GRID2: variants seen among roughly 807,000 people sequenced by gnomAD.
GRID2 encodes the protein glutamate receptor ionotropic, delta-2.
Under a neutral mutation model 114.8 loss-of-function variants are expected in GRID2, and 33 were observed. The observed-to-expected ratio is 0.29, with a 90% CI of 0.22 to 0.38. The LOEUF is 0.38. GRID2 is among the 10% of genes least tolerant of loss of function. The pLI, the probability that GRID2 is intolerant of heterozygous loss-of-function variation, is 1.00. For synonymous variants in GRID2, 505 were observed against 449.9 expected, an observed-to-expected ratio of 1.12 and a Z score of -1.55; for missense variants, 1,184 against 1,257.7, an observed-to-expected ratio of 0.94 and a Z score of 0.89.
chr4:92,549,820 A>G (rs1726484591), intron 1 of GRID2, among the ~76,000 whole-genome samples: 1 of 152,142 alleles, frequency 6.6e-6, no homozygotes, highest in South Asian at 2.1e-4. Context: ...GACACTTGAT[A>G]CCCTGCATAA....
intron 4 of GRID2, among the ~76,000 whole-genome samples, chr4:93,116,470 AG>A (rs1313406568): frequency 1.3e-5 from 2 of 152,158 alleles, no homozygotes; most frequent in Non-Finnish European, 2.9e-5. Flanking sequence ...ACTCAGCTTC[AG>A]GTTTCTTGTT....
rs529240534 is a variant in GRID2, at chr4:93,027,279, C to G, written c.245-57716C>G. ...ATATGCCTGGTGTGATGGTTTGTTT[C>G]ACTGATGCATAGCAGTTGGACATAC... On this transcript the variant is annotated intron_variant, in intron 2 of 15. Transcript: ENST00000282020. Among the ~76,000 whole-genome samples the G allele has an allele frequency of 2.0e-5, 3 of 152,108 alleles. No homozygotes were observed. The East Asian group carries it at 5.8e-4, about 29-fold the overall frequency.
At chr4:92,896,754 T>G (rs114582173) in intron 2 of GRID2, among the ~76,000 whole-genome samples, 2,519 of 152,180 alleles carry the variant, frequency 0.017, 75 homozygotes, top group African/African-American at 0.057. Flanking sequence ...GTTTCTTTTG[T>G]GTGTGTGAGA....
intron 8 of GRID2, among the ~76,000 whole-genome samples, chr4:93,379,561 G>T (rs1365138724): frequency 1.4e-4 from 21 of 152,024 alleles, no homozygotes. Flanking sequence ...ATGTCTAAGG[G>T]ATAATAATCC....
intron 2 of GRID2, among the ~76,000 whole-genome samples, chr4:92,807,475 A>G (rs1740474815): frequency 6.6e-6 from 1 of 152,042 alleles, no homozygotes; most frequent in Non-Finnish European, 1.5e-5. Flanking sequence ...AAGAAAAGGC[A>G]AAAAATAAGC....
chr4:92,693,039 GAAAA>G (rs1734253689), intron 2 of GRID2, among the ~76,000 whole-genome samples: 1 of 149,372 alleles, frequency 6.7e-6, no homozygotes, highest in Admixed American at 6.7e-5. Flanking sequence ...AAAAAGAAAA[GAAAA>G]GAAAGAAATG....
At chr4:92,486,877 C>G (rs1484784485) in intron 1 of GRID2, among the ~76,000 whole-genome samples, 1 of 151,940 alleles carries the variant, frequency 6.6e-6, no homozygotes, top group Non-Finnish European at 1.5e-5. Flanking sequence ...TGCAATGATA[C>G]AGCTCAGAGA....
intron 1 of GRID2, among the ~76,000 whole-genome samples, chr4:92,543,422 A>T (rs893449389): frequency 5.3e-5 from 8 of 152,200 alleles, no homozygotes; most frequent in African/African-American, 1.7e-4. Flanking sequence ...TTTATAGCAA[A>T]AATTCATATA....
At chr4:93,606,014 C>T (rs943496368) in intron 13 of GRID2, among the ~76,000 whole-genome samples, 4 of 152,034 alleles carry the variant, frequency 2.6e-5, no homozygotes, top group Non-Finnish European at 5.9e-5. Flanking sequence ...CGCCTGTAAC[C>T]CCAGCTCTTT....
chr4:93,736,624 T>A (rs1436880778), intron 14 of GRID2, among the ~76,000 whole-genome samples: 1 of 152,036 alleles, frequency 6.6e-6, no homozygotes, highest in Non-Finnish European at 1.5e-5. Flanking sequence ...TCAGATAGTC[T>A]ATTGGGGCTT....
At chr4:92,447,269 G>C (rs1733518939) in intron 1 of GRID2, among the ~76,000 whole-genome samples, 1 of 152,070 alleles carries the variant, frequency 6.6e-6, no homozygotes, top group African/African-American at 2.4e-5. Context: ...AAAAAAACTA[G>C]TCCAATGAAA....
At chr4:93,164,412 T>G (rs1042805568) in intron 4 of GRID2, among the ~76,000 whole-genome samples, 4 of 152,030 alleles carry the variant, frequency 2.6e-5, no homozygotes, top group Admixed American at 6.6e-5. Context: ...CAAATTAAAC[T>G]CAGAATATAA....
intron 1 of GRID2, among the ~76,000 whole-genome samples, chr4:92,422,533 G>A (rs923843991): frequency 4.6e-5 from 7 of 152,078 alleles, no homozygotes; most frequent in African/African-American, 1.4e-4. Flanking sequence ...GTGAGCCAGC[G>A]GTGTTAATTA....
At chr4:92,924,378 A>C (rs1749637475) in intron 2 of GRID2, among the ~76,000 whole-genome samples, 1 of 151,976 alleles carries the variant, frequency 6.6e-6, no homozygotes, top group Non-Finnish European at 1.5e-5. Flanking sequence ...GTGCACATGT[A>C]CCCTAAAACT....
At chr4:92,900,936 C>CTG (rs67753622) in intron 2 of GRID2, among the ~76,000 whole-genome samples, 1 of 149,776 alleles carries the variant, frequency 6.7e-6, no homozygotes, top group Non-Finnish European at 1.5e-5. Flanking sequence ...TAGTATTCGT[C>CTG]TGTGTGTGTG....
chr4:92,549,056 T>A (rs1480469838), intron 1 of GRID2, among the ~76,000 whole-genome samples: 1 of 151,246 alleles, frequency 6.6e-6, no homozygotes, highest in African/African-American at 2.4e-5. Flanking sequence ...GTTACTCTTA[T>A]TTGGGGAATG....
intron 2 of GRID2, among the ~76,000 whole-genome samples, chr4:92,664,295 G>A (rs1200645486): frequency 6.6e-6 from 1 of 150,820 alleles, no homozygotes; most frequent in Non-Finnish European, 1.5e-5. Context: ...GTTTTCTTTT[G>A]ATTCTATTTT....
At chr4:93,488,493 T>A (rs990103347) in intron 11 of GRID2, among the ~76,000 whole-genome samples, 3 of 151,940 alleles carry the variant, frequency 2.0e-5, no homozygotes, top group Non-Finnish European at 4.4e-5. Context: ...ATGCCTGATA[T>A]TATAGTAAAT....
chr4:93,580,366 T>C (rs1736854684), intron 13 of GRID2, among the ~76,000 whole-genome samples: 1 of 152,222 alleles, frequency 6.6e-6, no homozygotes, highest in African/African-American at 2.4e-5. Context: ...GGAGAGATAC[T>C]GATGTGTTGA....
Sources: gnomAD v4.1 joint callset for allele counts (sites outside exome capture counted in the v4.1 genomes callset) on GRCh38, gnomAD v4.1.1 for gene constraint, MANE v1.5 for transcripts, NCBI Gene and HGNC (gene_info 2026-07-23, HGNC 2026-07-21) for gene names.